Variants in BRD4 observed in about 807,000 individuals in gnomAD.
BRD4 encodes bromodomain-containing protein 4.
A neutral mutation model predicts 142.1 loss-of-function variants in BRD4; 16 were observed. The observed-to-expected ratio is 0.11, with a 90% CI of 0.08 to 0.17. The LOEUF (loss-of-function observed/expected upper bound fraction) is 0.17. Among genes scored for constraint, BRD4 ranks in the 10% least tolerant of loss-of-function variants. The pLI is 1.00. For missense variants in BRD4, 1,424 were observed against 1,810.9 expected (o/e 0.79, Z 3.88); for synonymous variants, 833 against 707.5 (o/e 1.18, Z -2.82).
chr19:15,313,799 C>A (rs996966713), intron 1 of BRD4, among the ~76,000 whole-genome samples: 7 of 152,212 alleles, frequency 4.6e-5, no homozygotes, highest in African/African-American at 1.7e-4. Context: ...AGTCTCCTAG[C>A]ACATGAACTA....
chr19:15,239,148 A>G lies in BRD4; in HGVS notation c.3693T>C (p.Ala1231=). The G allele has an allele frequency of 6.2e-7, 1 of 1,611,942 alleles. No homozygotes were observed. The change falls in exon 18 of 20, where the codon GCT becomes GCC. Residue 1231 remains alanine (A), a synonymous_variant. Transcript: ENST00000679869. This position sits in a 1 kb window ranked among gnomAD's most constrained non-coding sequence, Gnocchi z 7.4. ...CCTTCTCACGCTCCTCTTTCTCCCG[A>G]GCGGCGCGGCGGAACTGCTCGAAGC... ...SDSFEQFRRA[A]REKEEREKAL... is the part of the protein sequence containing the mutation.
chr19:15,263,655 G>C, intron 6 of BRD4, 107 bp from the exon 7 acceptor site: 6 of 1,456,750 alleles, frequency 4.1e-6, no homozygotes, highest in Non-Finnish European at 5.7e-6. Flanking sequence ...TGGTTTCTTG[G>C]CTCTCAGTTT....
chr19:15,264,145 G>A, intron 6 of BRD4: 3 of 442,578 alleles, frequency 6.8e-6, no homozygotes, highest in African/African-American at 2.0e-5. Flanking sequence ...CAAGGCCAGA[G>A]GGCTTGTCTT....
chr19:15,320,513 G>C (rs1314760608), intron 1 of BRD4, among the ~76,000 whole-genome samples: 1 of 152,162 alleles, frequency 6.6e-6, no homozygotes, highest in Non-Finnish European at 1.5e-5. Flanking sequence ...TTATATGGAA[G>C]AGAGACCTAA....
At chr19:15,251,546 C>A (rs1291306654) in intron 11 of BRD4, among the ~76,000 whole-genome samples, 3 of 149,742 alleles carry the variant, frequency 2.0e-5, no homozygotes, top group Non-Finnish European at 4.4e-5. Context: ...TAAGGCAGAG[C>A]TGCCTGTAAC....
intron 1 of BRD4, among the ~76,000 whole-genome samples, chr19:15,329,669 G>T (rs746888853): frequency 1.3e-5 from 2 of 152,112 alleles, no homozygotes; most frequent in Non-Finnish European, 2.9e-5. Context: ...AACCCAGGAG[G>T]CAGAGGTTGC....
chr19:15,268,882 G>A lies in BRD4; in HGVS notation c.423+23C>T, dbSNP rs755701562. 8.1e-6 allele frequency: 13 copies of A among 1,612,964 alleles called. No individual in the cohort carries two copies. The South Asian group carries it at 1.3e-4, about 16-fold the overall frequency. On this transcript the variant is annotated intron_variant, in intron 3 of 19. Coordinates refer to ENST00000679869, the MANE Select transcript of BRD4 (RefSeq NM_001379291.1). ...CCCCTCCTCTCTCCCCAGGGCAGCTGGACACCCACCCCTACATCTCACCTT... is the reference window on the plus strand; with the variant it reads ...CCCCTCCTCTCTCCCCAGGGCAGCTAGACACCCACCCCTACATCTCACCTT...
intron 2 of BRD4, among the ~76,000 whole-genome samples, chr19:15,272,186 G>T (rs1221730878): frequency 6.6e-6 from 1 of 152,180 alleles, no homozygotes; most frequent in Non-Finnish European, 1.5e-5. Context: ...TCCAGGGAAA[G>T]AGAAGAGGGG....
intron 14 of BRD4, among the ~76,000 whole-genome samples, chr19:15,242,483 A>C (rs1233032112): frequency 6.6e-6 from 1 of 152,058 alleles, no homozygotes; most frequent in Non-Finnish European, 1.5e-5. Flanking sequence ...TGCTCCCCAC[A>C]CCATGGTTCT....
intron 11 of BRD4, among the ~76,000 whole-genome samples, chr19:15,250,437 G>GC (rs2145544857): frequency 6.6e-6 from 1 of 152,166 alleles, no homozygotes; most frequent in East Asian, 1.9e-4. Flanking sequence ...TGGTAAGAAC[G>GC]CCCCATGGCC....
intron 1 of BRD4, among the ~76,000 whole-genome samples, chr19:15,308,006 C>T (rs1444164223): frequency 6.7e-5 from 10 of 148,938 alleles, no homozygotes; most frequent in African/African-American, 2.5e-4. Flanking sequence ...CTCAGCTACT[C>T]AGGAGGCTGT....
intron 1 of BRD4, among the ~76,000 whole-genome samples, chr19:15,317,042 C>A (rs990397795): frequency 1.3e-5 from 2 of 152,218 alleles, no homozygotes; most frequent in African/African-American, 2.4e-5. Flanking sequence ...TCTGAGTTCA[C>A]TGAGAACAAA....
At chr19:15,276,736 T>C (rs1317753739) in intron 1 of BRD4, among the ~76,000 whole-genome samples, 1 of 152,198 alleles carries the variant, frequency 6.6e-6, no homozygotes, top group Admixed American at 6.5e-5. Context: ...ACATGGATAA[T>C]GTGGAGACCA....
chr19:15,272,771 C>T (rs34855805), intron 2 of BRD4, 44 bp downstream of exon 2: 5 of 1,563,414 alleles, frequency 3.2e-6, no homozygotes, highest in South Asian at 2.3e-5. Context: ...ATGCAGGAGA[C>T]GACCTCCAGG....
intron 8 of BRD4, 39 bp downstream of exon 8, chr19:15,256,925 G>A: frequency 1.5e-5 from 22 of 1,516,130 alleles, no homozygotes; most frequent in Non-Finnish European, 1.9e-5. Flanking sequence ...CTGGTCCACG[G>A]ACTCTGGGGA....
Position 15,238,991 on chromosome 19 carries a change from G to A in BRD4, c.3783-11C>T, listed in dbSNP as rs773134670. ...TCGTCCTCTCGGCTCCTGGGCAGAG[G>A]GTCCCAGTCAGCCTGGGGACTGGTG... On this transcript the variant is annotated splice_polypyrimidine_tract_variant and intron_variant, in intron 18 of 19. Transcript: ENST00000679869. The surrounding 1 kb of genome is among the most constrained non-coding windows in gnomAD (Gnocchi z 7.2). The A allele has an allele frequency of 1.3e-6, 2 of 1,579,628 alleles. No individual in the cohort carries two copies. Among genetic ancestry groups the A allele is most frequent in the Non-Finnish European group, 1.7e-6 (2 of 1,164,498 alleles).
chr19:15,255,696 C>T lies in BRD4; in HGVS notation c.1752-104G>A, dbSNP rs191358250. The stretch of plus-strand genomic sequence containing the variant: ...GGGGGGAAGGGGTGCCCTTCCCATA[C>T]CCCCCACCCACCAGCCTTCACAGGA... On this transcript the variant is annotated intron_variant, in intron 9 of 19. Transcript: ENST00000679869. The T allele has an allele frequency of 1.1e-5, 15 of 1,372,496 alleles. No individual in the cohort carries two copies. In the Admixed American group the frequency reaches 1.4e-4, roughly 13 times the overall value. The allele number at this position is 1,372,496 out of a possible 1,614,324, so 85.0% of individuals were successfully genotyped here.
intron 7 of BRD4, among the ~76,000 whole-genome samples, chr19:15,262,543 GAAAAAAAA>G (rs1306643347): frequency 3.4e-5 from 4 of 118,660 alleles, no homozygotes; most frequent in African/African-American, 1.4e-4. Flanking sequence ...AAAAAAAAAA[GAAAAAAAA>G]AAAGAAAATA....
At chr19:15,254,367 C>T (rs1022590562) in intron 10 of BRD4, 105 bp from the exon 11 acceptor site, 5 of 997,142 alleles carry the variant, frequency 5.0e-6, no homozygotes, top group Non-Finnish European at 7.7e-6. Flanking sequence ...CAGTGAGGAG[C>T]CTGTGCACGG....
Sources: gnomAD v4.1 joint callset for allele counts (sites outside exome capture counted in the v4.1 genomes callset) on GRCh38, gnomAD v4.1.1 for gene constraint, Gnocchi (gnomAD v3.1) non-coding constraint, MANE v1.5 for transcripts, NCBI Gene and HGNC (gene_info 2026-07-23, HGNC 2026-07-21) for gene names.